Variants in CRISP1 observed in about 807,000 individuals in gnomAD.
CRISP1 encodes the protein cysteine-rich secretory protein 1.
CRISP1 carries 44 observed loss-of-function variants against 33.1 expected under a neutral mutation model. The observed-to-expected ratio is 1.33, with a 90% CI of 1.05 to 1.71. The LOEUF (loss-of-function observed/expected upper bound fraction) is 1.71, where lower values mean the gene tolerates loss of function less well. CRISP1 is among the 40% of genes most tolerant of loss of function. CRISP1 has a pLI of 0.00. For missense variants in CRISP1, 390 were observed against 301.2 expected (o/e 1.29, Z -2.18); for synonymous variants, 103 against 98.7 (o/e 1.04, Z -0.26).
intron 1 of CRISP1, among the ~76,000 whole-genome samples, chr6:49,871,982 T>A (rs896578170): frequency 4.7e-4 from 72 of 152,204 alleles, no homozygotes; most frequent in African/African-American, 1.7e-3. Context: ...CACACTGACT[T>A]CCACAATGGT....
At chr6:49,857,815 G>A (rs971580073) in intron 1 of CRISP1, among the ~76,000 whole-genome samples, 1 of 152,148 alleles carries the variant, frequency 6.6e-6, no homozygotes, top group African/African-American at 2.4e-5. Flanking sequence ...ATGAGCATGA[G>A]ACAGACTTGA....
intron 2 of CRISP1, 37 bp from the exon 3 acceptor site, chr6:49,852,166 T>G (rs1206884289): frequency 6.3e-7 from 1 of 1,595,182 alleles, no homozygotes; most frequent in Non-Finnish European, 8.5e-7. Context: ...GTTACTTCTT[T>G]TAAGTGGAAT....
intron 1 of CRISP1, among the ~76,000 whole-genome samples, chr6:49,874,638 T>C (rs1163436057): frequency 6.6e-6 from 1 of 152,096 alleles, no homozygotes; most frequent in East Asian, 1.9e-4. Context: ...TTGATGAACA[T>C]TGATTCAGAA....
At chr6:49,875,571 A>G (rs1289453587) in intron 1 of CRISP1, among the ~76,000 whole-genome samples, 3 of 152,144 alleles carry the variant, frequency 2.0e-5, no homozygotes, top group Non-Finnish European at 4.4e-5. Context: ...GTAGAACCAA[A>G]GAAGACCCCA....
At chr6:49,852,403 G>A (rs1771376074) in intron 2 of CRISP1, among the ~76,000 whole-genome samples, 1 of 152,120 alleles carries the variant, frequency 6.6e-6, no homozygotes, top group Non-Finnish European at 1.5e-5. Context: ...TTTGGACCAT[G>A]TTGAAGCACT....
At chr6:49,854,726 T>A (rs1216362011) in intron 2 of CRISP1, among the ~76,000 whole-genome samples, 3 of 152,172 alleles carry the variant, frequency 2.0e-5, no homozygotes, top group Non-Finnish European at 4.4e-5. Context: ...TTTTCAATAA[T>A]ATGTTCTCTA....
At chr6:49,865,049 A>G (rs1328495886) in intron 1 of CRISP1, among the ~76,000 whole-genome samples, 4 of 152,182 alleles carry the variant, frequency 2.6e-5, no homozygotes, top group African/African-American at 9.6e-5. Flanking sequence ...CATTGAAAAA[A>G]TATTGGAGAA....
At chr6:49,836,451 T>C (rs1273024409) in intron 7 of CRISP1, among the ~76,000 whole-genome samples, 1 of 151,548 alleles carries the variant, frequency 6.6e-6, no homozygotes, top group African/African-American at 2.4e-5. Context: ...TTCTCCTGCC[T>C]CAGCCTCCCG....
In CRISP1 at chr6:49,851,996, C is replaced by A; in HGVS notation, c.195+5G>T. On this transcript the variant is annotated splice_donor_5th_base_variant and intron_variant, in intron 3 of 7. Coordinates refer to ENST00000335847, the MANE Select transcript of CRISP1 (RefSeq NM_001131.3). Reference sequence around the variant, plus strand: ...ATCATGGTTGTTGCTATTTTTTGATCTTACCATCTTCAGCATGTTGCTGGC... The same window carrying A: ...ATCATGGTTGTTGCTATTTTTTGATATTACCATCTTCAGCATGTTGCTGGC... 1 of 1,600,726 alleles carries A rather than the reference C, an allele frequency of 6.2e-7. No individual in the cohort carries two copies. The highest frequency in any genetic ancestry group is 1.1e-5 in the South Asian group (1 of 87,616).
At chr6:49,853,017 A>C (rs753982510) in intron 2 of CRISP1, among the ~76,000 whole-genome samples, 2 of 152,162 alleles carry the variant, frequency 1.3e-5, no homozygotes, top group Non-Finnish European at 2.9e-5. Flanking sequence ...ACGATCTAGC[A>C]TCATAACTTA....
chr6:49,867,028 C>A (rs909402606), upstream of CRISP1, among the ~76,000 whole-genome samples: 33 of 152,070 alleles, frequency 2.2e-4, no homozygotes, highest in African/African-American at 8.0e-4. Flanking sequence ...CTAAGACCTT[C>A]CTGGTTAAAA....
At chr6:49,856,309 C>G (rs1771496375) in intron 2 of CRISP1, among the ~76,000 whole-genome samples, 3 of 152,296 alleles carry the variant, frequency 2.0e-5, no homozygotes, top group South Asian at 2.1e-4. Context: ...TCCCATTCCT[C>G]TGGAATGGTG....
Position 49,871,656 on chromosome 6 carries a change from T to A in CRISP1, c.-3+5353A>T, listed in dbSNP as rs573353428. Among the ~76,000 whole-genome samples, 387 of 150,086 alleles carry A rather than the reference T, an allele frequency of 2.6e-3. 1 individual carries two copies. The highest frequency in any genetic ancestry group is 8.4e-3 in the African/African-American group (343 of 40,890). On this transcript the variant is annotated intron_variant, in intron 1 of 7. Transcript: ENST00000505118. ...TGAGTGAGAACACGTGGTGTTTGGT[T>A]TTTTGTCCTTGTGATAGTTTGCTGA...
At chr6:49,851,088 A>G (rs1304573575) in intron 3 of CRISP1, among the ~76,000 whole-genome samples, 1 of 152,240 alleles carries the variant, frequency 6.6e-6, no homozygotes, top group African/African-American at 2.4e-5. Context: ...AACACCATGC[A>G]GGAATGCCTA....
intron 3 of CRISP1, among the ~76,000 whole-genome samples, chr6:49,850,426 C>T (rs73425873): frequency 0.038 from 5,779 of 151,988 alleles, 376 homozygotes; most frequent in African/African-American, 0.13. Context: ...TATTTATGAT[C>T]GTACCAAAGC....
At chr6:49,835,852 A>G (rs572962332) in intron 7 of CRISP1, among the ~76,000 whole-genome samples, 112 of 152,328 alleles carry the variant, frequency 7.4e-4, no homozygotes, top group Non-Finnish European at 1.2e-3. Context: ...ATGTATAGCC[A>G]ATGGAAAATG....
At chr6:49,866,545 A>T (rs1377207854), upstream of CRISP1, 1 of 152,172 alleles carries the variant, frequency 6.6e-6, no homozygotes, top group Non-Finnish European at 1.5e-5. Flanking sequence ...TGAGGTAGTC[A>T]GTACAAGGTA....
upstream of CRISP1, among the ~76,000 whole-genome samples, chr6:49,867,937 A>G (rs2127478918): frequency 6.6e-6 from 1 of 152,290 alleles, no homozygotes; most frequent in African/African-American, 2.4e-5. Context: ...CCAAACCAGC[A>G]TGGTTTATAT....
At chr6:49,844,370 C>G (rs1412593139) in intron 5 of CRISP1, among the ~76,000 whole-genome samples, 2 of 152,166 alleles carry the variant, frequency 1.3e-5, no homozygotes, top group Non-Finnish European at 2.9e-5. Context: ...AGATATTTCA[C>G]TTCAAACATG....
Sources: gnomAD v4.1 joint callset for allele counts (sites outside exome capture counted in the v4.1 genomes callset) on GRCh38, gnomAD v4.1.1 for gene constraint, MANE v1.5 for transcripts, NCBI Gene and HGNC (gene_info 2026-07-23, HGNC 2026-07-21) for gene names.